SYN3: variants seen among roughly 807,000 people sequenced by gnomAD.
SYN3 encodes synapsin-3.
In SYN3, 35 loss-of-function variants were observed where a neutral mutation model predicts 65.8. The observed-to-expected ratio is 0.53, with a 90% CI of 0.41 to 0.70. The LOEUF (loss-of-function observed/expected upper bound fraction) is 0.70. SYN3 is among the 30% of genes least tolerant of loss of function. The probability of loss-of-function intolerance (pLI) is 0.00; values close to 1 mark genes in which losing one functional copy is unlikely to be tolerated. For missense variants in SYN3, 680 were observed against 749.0 expected, an observed-to-expected ratio of 0.91 and a Z score of 1.08; for synonymous variants, 270 against 292.9, an observed-to-expected ratio of 0.92 and a Z score of 0.80.
chr22:32,869,559 C>T (rs531988777), intron 4 of SYN3, among the ~76,000 whole-genome samples: 1 of 152,174 alleles, frequency 6.6e-6, no homozygotes, highest in East Asian at 1.9e-4. Flanking sequence ...CAAACGAGCA[C>T]CCTGAGGCTC....
intron 6 of SYN3, among the ~76,000 whole-genome samples, chr22:32,805,651 A>G (rs1022016736): frequency 2.4e-5 from 3 of 124,842 alleles, no homozygotes; most frequent in Non-Finnish European, 3.3e-5. Flanking sequence ...AGCAACCTTA[A>G]GAGTAGGTAT....
chr22:32,638,499 C>T (rs1363070320), intron 6 of SYN3, among the ~76,000 whole-genome samples: 3 of 152,150 alleles, frequency 2.0e-5, no homozygotes, highest in Non-Finnish European at 4.4e-5. Flanking sequence ...TTGATAACAG[C>T]CATTCTGACC....
chr22:32,835,224 G>A (rs2047695558), intron 6 of SYN3, among the ~76,000 whole-genome samples: 1 of 152,180 alleles, frequency 6.6e-6, no homozygotes, highest in Admixed American at 6.5e-5. Flanking sequence ...ATCAATAAGG[G>A]CCAAGATGGA....
At chr22:32,755,122 A>G (rs1265761153) in intron 6 of SYN3, among the ~76,000 whole-genome samples, 1 of 152,216 alleles carries the variant, frequency 6.6e-6, no homozygotes, top group Non-Finnish European at 1.5e-5. Flanking sequence ...AAGGAAACTA[A>G]CATCGAACAT....
At chr22:32,695,044 A>G (rs1305797864) in intron 6 of SYN3, among the ~76,000 whole-genome samples, 2 of 152,224 alleles carry the variant, frequency 1.3e-5, no homozygotes, top group African/African-American at 4.8e-5. Flanking sequence ...TCAAAGTTCT[A>G]TGGTATATTA....
intron 7 of SYN3, among the ~76,000 whole-genome samples, chr22:32,588,695 A>G (rs1259392655): frequency 2.0e-5 from 3 of 152,208 alleles, no homozygotes; most frequent in Non-Finnish European, 4.4e-5. Context: ...AAGGACACAC[A>G]AACAGTAAAT....
At chr22:32,552,202 C>T (rs959168133) in intron 7 of SYN3, among the ~76,000 whole-genome samples, 3 of 152,024 alleles carry the variant, frequency 2.0e-5, no homozygotes, top group South Asian at 2.1e-4. Flanking sequence ...AGCAAGATCG[C>T]GCCACTGCAC....
chr22:32,658,462 C>T (rs1337738979), intron 6 of SYN3, among the ~76,000 whole-genome samples: 3 of 152,222 alleles, frequency 2.0e-5, no homozygotes, highest in African/African-American at 7.2e-5. Context: ...CATGCTGACC[C>T]TGCCTTGGCA....
At chr22:33,001,475 C>T (rs1205484031) in intron 2 of SYN3, among the ~76,000 whole-genome samples, 2 of 152,198 alleles carry the variant, frequency 1.3e-5, no homozygotes, top group African/African-American at 4.8e-5. Flanking sequence ...CCAGGACCTA[C>T]AGGGAAGAGT....
At position 32,598,815 on chromosome 22, in the gene SYN3, C is replaced by T. The variant is rs2059240601; in HGVS notation, c.712-2079G>A. ...AGTTTTTTTTTTCCTTGATTTCAGG[C>T]TAAAATTTACCATACCCTGGTGTCT... On this transcript the variant is annotated intron_variant, in intron 6 of 13. Transcript: ENST00000358763. Among the ~76,000 whole-genome samples the T allele has an allele frequency of 4.6e-5, 7 of 151,844 alleles. No homozygotes were observed. The South Asian group carries it at 1.5e-3, about 32-fold the overall frequency.
At position 32,847,223 on chromosome 22, in the gene SYN3, C is replaced by T. The variant is rs139576733; in HGVS notation, c.711+17692G>A. Among the ~76,000 whole-genome samples, 7 of 152,294 alleles carry T rather than the reference C, an allele frequency of 4.6e-5. No homozygotes were observed. The East Asian group carries it at 1.4e-3, about 29-fold the overall frequency. On this transcript the variant is annotated intron_variant, in intron 6 of 13. Coordinates refer to ENST00000358763, the MANE Select transcript of SYN3 (RefSeq NM_003490.4). ...ACGGAGGTGAAGCTGTTATAACCTGCCTGTGAGAGTTAATATGGAGGAAAC... is the reference window on the plus strand; with the variant it reads ...ACGGAGGTGAAGCTGTTATAACCTGTCTGTGAGAGTTAATATGGAGGAAAC...
chr22:32,915,891 T>G (rs1235101252), intron 4 of SYN3, among the ~76,000 whole-genome samples: 1 of 152,182 alleles, frequency 6.6e-6, no homozygotes, highest in Non-Finnish European at 1.5e-5. Context: ...TGGATTAGCA[T>G]GTCTTCAAAT....
chr22:32,709,132 G>A (rs534758143), intron 6 of SYN3, among the ~76,000 whole-genome samples: 1 of 152,346 alleles, frequency 6.6e-6, no homozygotes, highest in Non-Finnish European at 1.5e-5. Flanking sequence ...TGTCCCAGCT[G>A]TGGCTTTGTT....
chr22:32,695,773 T>C (rs1216502433), intron 6 of SYN3, among the ~76,000 whole-genome samples: 5 of 152,224 alleles, frequency 3.3e-5, no homozygotes, highest in African/African-American at 1.2e-4. Context: ...CCTTGCCCTT[T>C]GCCTTATAGA....
rs133977 is a variant in SYN3, at chr22:33,036,678, C to CTTT, written c.-163+21611_-163+21613dup. Reference sequence around the variant, plus strand: ...TTTTAAATGCTGTAAAGCCCAAGTTCTTTTTTTTTTTTTTTTTTTTTTTTT... The same window carrying CTTT: ...TTTTAAATGCTGTAAAGCCCAAGTTCTTTTTTTTTTTTTTTTTTTTTTTTTTTT... On this transcript the variant is annotated intron_variant, in intron 1 of 13. Transcript: ENST00000358763. Among the ~76,000 whole-genome samples the CTTT allele has an allele frequency of 1.3e-3, 126 of 99,518 alleles. 13 individuals carry two copies. Among genetic ancestry groups the CTTT allele is most frequent in the Middle Eastern group, 5.3e-3 (1 of 188 alleles). 65.3% of individuals were successfully genotyped at this position (99,518 alleles called of 152,430 possible). A position where few individuals can be genotyped will look rare whatever the true frequency, so the allele number is the denominator to read the frequency against.
At chr22:33,020,758 C>G (rs973692738) in intron 1 of SYN3, among the ~76,000 whole-genome samples, 1 of 152,044 alleles carries the variant, frequency 6.6e-6, no homozygotes, top group Non-Finnish European at 1.5e-5. Flanking sequence ...CCTCAGCACT[C>G]TGGTGCTGGA....
At chr22:32,937,439 G>A (rs1281399623) in intron 3 of SYN3, among the ~76,000 whole-genome samples, 2 of 152,196 alleles carry the variant, frequency 1.3e-5, no homozygotes, top group Non-Finnish European at 2.9e-5. Context: ...TCAGCTCACA[G>A]TTGTGTGGGC....
At position 33,024,826 on chromosome 22, in the gene SYN3, T is replaced by A. The variant is rs183063903; in HGVS notation, c.-162-18002A>T. 2.6e-5 allele frequency among the ~76,000 whole-genome samples: 4 copies of A among 152,322 alleles called. No homozygotes were observed. In the East Asian group the frequency reaches 7.7e-4, roughly 29 times the overall value. ...ACAGTTCATTGGTTCCAGAGGCTGT[T>A]GTTAGTTCGTTGGGGGAGATGCCGT... is the stretch of plus-strand genomic sequence containing the variant. On this transcript the variant is annotated intron_variant, in intron 1 of 13. Transcript: ENST00000358763.
At chr22:32,665,155 G>A (rs1228370592) in intron 6 of SYN3, among the ~76,000 whole-genome samples, 1 of 151,654 alleles carries the variant, frequency 6.6e-6, no homozygotes, top group Admixed American at 6.6e-5. Flanking sequence ...GTTCCACCAC[G>A]CCTAGCTAAT....
Sources: gnomAD v4.1 joint callset for allele counts (sites outside exome capture counted in the v4.1 genomes callset) on GRCh38, gnomAD v4.1.1 for gene constraint, MANE v1.5 for transcripts, NCBI Gene and HGNC (gene_info 2026-07-23, HGNC 2026-07-21) for gene names.